CEP63: variants seen among roughly 807,000 people sequenced by gnomAD.
The protein encoded by CEP63 is centrosomal protein of 63 kDa.
CEP63 carries 84 observed loss-of-function variants against 89.1 expected under a neutral mutation model. The observed-to-expected ratio is 0.94, with a 90% CI of 0.79 to 1.13. CEP63 has a LOEUF of 1.13. Among genes scored for constraint, CEP63 ranks in the 50% most tolerant of loss-of-function variants. The probability of loss-of-function intolerance (pLI) is 0.00; values close to 1 mark genes in which losing one functional copy is unlikely to be tolerated. For missense variants in CEP63, 838 were observed against 813.3 expected (o/e 1.03, Z -0.37); for synonymous variants, 267 against 272.5 (o/e 0.98, Z 0.20).
At chr3:134,549,556 T>C (rs139031313) in intron 10 of CEP63, among the ~76,000 whole-genome samples, 119 of 152,350 alleles carry the variant, frequency 7.8e-4, no homozygotes, top group Admixed American at 1.2e-3. Context: ...TGTGCTATGA[T>C]GTAGTTAGTA....
At chr3:134,545,959 C>G (rs1048013979) in intron 7 of CEP63, 140 bp downstream of exon 7, 2 of 832,140 alleles carry the variant, frequency 2.4e-6, no homozygotes, top group African/African-American at 3.5e-5. Flanking sequence ...GATAGTTTTA[C>G]TAATATTGTG....
chr3:134,561,577 C>G lies in CEP63; in HGVS notation c.*42C>G. On this transcript the variant is annotated 3_prime_UTR_variant, in exon 15 of 15. Coordinates refer to ENST00000675561, the MANE Select transcript of CEP63 (RefSeq NM_001353108.3). ...CTATCTTGGAAATAAAAATAAACACCAAAGAGTTACTGTCATCTGAAGTAG... is the reference window on the plus strand; with the variant it reads ...CTATCTTGGAAATAAAAATAAACACGAAAGAGTTACTGTCATCTGAAGTAG... The G allele has an allele frequency of 1.9e-6, 3 of 1,578,484 alleles. No individual in the cohort carries two copies. The highest frequency in any genetic ancestry group is 2.6e-6 in the Non-Finnish European group (3 of 1,159,840).
chr3:134,772,758 C>G, the CEP63 span, among the ~76,000 whole-genome samples: 2 of 152,162 alleles, frequency 1.3e-5, no homozygotes, highest in African/African-American at 4.8e-5. Flanking sequence ...CAGGACAAGC[C>G]TGCAAGCTTT....
At chr3:134,753,781 T>C in the CEP63 span, among the ~76,000 whole-genome samples, 1 of 152,072 alleles carries the variant, frequency 6.6e-6, no homozygotes, top group African/African-American at 2.4e-5. Context: ...AGAGGTGGGG[T>C]AACTTACCTG....
intron 2 of CEP63, among the ~76,000 whole-genome samples, chr3:134,499,338 A>G (rs1323431185): frequency 6.6e-6 from 1 of 151,866 alleles, no homozygotes; most frequent in Non-Finnish European, 1.5e-5. Flanking sequence ...GACCCTTTGT[A>G]TTTCTGTGGT....
At chr3:134,493,919 A>G (rs1938664570) in intron 1 of CEP63, among the ~76,000 whole-genome samples, 1 of 152,196 alleles carries the variant, frequency 6.6e-6, no homozygotes, top group Non-Finnish European at 1.5e-5. Context: ...TATTGTCTTA[A>G]GGGTTTAAGG....
At chr3:134,491,064 A>G (rs190562759) in intron 1 of CEP63, among the ~76,000 whole-genome samples, 5 of 152,344 alleles carry the variant, frequency 3.3e-5, no homozygotes, top group South Asian at 4.1e-4. Context: ...ATTTTTGCCA[A>G]TGAGCCTGTG....
the CEP63 span, among the ~76,000 whole-genome samples, chr3:134,650,569 AG>A: frequency 6.6e-6 from 1 of 152,184 alleles, no homozygotes; most frequent in Admixed American, 6.5e-5. Flanking sequence ...AAAGACTCCC[AG>A]GGGTGACGGA....
At chr3:134,575,056 A>G, downstream of CEP63, 2 of 394,030 alleles carry the variant, frequency 5.1e-6, no homozygotes, top group Admixed American at 8.8e-5. Flanking sequence ...ACTATGAAGA[A>G]TTTAAAGACT....
At chr3:134,528,259 T>C (rs749148914) in intron 3 of CEP63, among the ~76,000 whole-genome samples, 17 of 152,098 alleles carry the variant, frequency 1.1e-4, no homozygotes, top group Non-Finnish European at 1.5e-4. Flanking sequence ...CCTCTGAAGA[T>C]CTGTTAGGAG....
At chr3:134,541,104 T>C (rs901543254) in intron 6 of CEP63, among the ~76,000 whole-genome samples, 1 of 152,194 alleles carries the variant, frequency 6.6e-6, no homozygotes, top group East Asian at 1.9e-4. Context: ...TTTACTATTC[T>C]GAAAGAGCTT....
chr3:134,706,057 A>T, the CEP63 span, among the ~76,000 whole-genome samples: 1 of 152,204 alleles, frequency 6.6e-6, no homozygotes, highest in Non-Finnish European at 1.5e-5. Context: ...GCACTAACTC[A>T]AAGTCACAAG....
intron 8 of CEP63, 30 bp from the exon 9 acceptor site, chr3:134,547,305 C>G: frequency 6.2e-7 from 1 of 1,606,982 alleles, no homozygotes; most frequent in Non-Finnish European, 8.5e-7. Context: ...GAGATAAAGG[C>G]GTTAACAATC....
the CEP63 span, among the ~76,000 whole-genome samples, chr3:134,681,567 G>A: frequency 6.6e-6 from 1 of 152,178 alleles, no homozygotes; most frequent in South Asian, 2.1e-4. Flanking sequence ...TTAGTGGAAG[G>A]ACTACTGTGA....
chr3:134,554,892 G>A (rs865837354), intron 12 of CEP63, among the ~76,000 whole-genome samples: 6 of 151,874 alleles, frequency 4.0e-5, no homozygotes, highest in Non-Finnish European at 2.9e-5. Context: ...CTTTTGAGAA[G>A]TGTCTGTTCA....
At position 134,511,704 on chromosome 3, in the gene CEP63, G is replaced by C. The variant is rs377163170; in HGVS notation, c.222+4418G>C. 1.9e-4 allele frequency among the ~76,000 whole-genome samples: 29 copies of C among 152,266 alleles called. No individual in the cohort carries two copies. In the South Asian group the frequency reaches 4.3e-3, roughly 23 times the overall value. Reference sequence around the variant, plus strand: ...GAAGCAGGCACATTTTCACATGGCGGAGGAGGAGACGGAGCAAAGGGGGAA... The same window carrying C: ...GAAGCAGGCACATTTTCACATGGCGCAGGAGGAGACGGAGCAAAGGGGGAA... On this transcript the variant is annotated intron_variant, in intron 3 of 14. Transcript: ENST00000675561.
rs1249571300 is a variant in CEP63, at chr3:134,583,421, A to G, written c.1207-4037A>G. 4.1e-4 allele frequency among the ~76,000 whole-genome samples: 63 copies of G among 152,142 alleles called. 1 individual carries two copies. Among genetic ancestry groups the G allele is most frequent in the Admixed American group, 4.0e-3 (61 of 15,266 alleles). On this transcript the variant is annotated intron_variant, in intron 10 of 10. Coordinates refer to the CEP63 transcript ENST00000683931. ...ATGGCTAGCCAGTTTTCCCAGCACC[A>G]TTTATTAAATAGGGAATCCTTTCCC...
At chr3:134,663,705 CAGA>C in the CEP63 span, among the ~76,000 whole-genome samples, 2 of 152,038 alleles carry the variant, frequency 1.3e-5, no homozygotes, top group East Asian at 3.9e-4. Context: ...TGCGGGGCCC[CAGA>C]GGGGCCAGGA....
At chr3:134,775,901 C>T in the CEP63 span, among the ~76,000 whole-genome samples, 4 of 152,100 alleles carry the variant, frequency 2.6e-5, no homozygotes, top group African/African-American at 9.7e-5. Context: ...GTGGGGCTTC[C>T]CGCTTTCTTT....
Sources: gnomAD v4.1 joint callset for allele counts (sites outside exome capture counted in the v4.1 genomes callset) on GRCh38, gnomAD v4.1.1 for gene constraint, MANE v1.5 for transcripts, NCBI Gene and HGNC (gene_info 2026-07-23, HGNC 2026-07-21) for gene names.